TPTE: variants seen among roughly 807,000 people sequenced by gnomAD.
The protein encoded by TPTE is putative tyrosine-protein phosphatase TPTE.
TPTE carries 59 observed loss-of-function variants against 84.1 expected under a neutral mutation model. The observed-to-expected ratio is 0.70, with a 90% CI of 0.57 to 0.87. The LOEUF (loss-of-function observed/expected upper bound fraction) is 0.87. Ranked by LOEUF, TPTE falls within the 40% of genes least tolerant of loss-of-function variation. The pLI is 0.00. For synonymous variants in TPTE, 130 were observed against 223.5 expected, an observed-to-expected ratio of 0.58 and a Z score of 3.73; for missense variants, 382 against 659.6, an observed-to-expected ratio of 0.58 and a Z score of 4.61.
chr21:10,523,612 A>G (rs1182940880), intron 1 of TPTE, among the ~76,000 whole-genome samples: 3 of 152,294 alleles, frequency 2.0e-5, no homozygotes, highest in Non-Finnish European at 4.4e-5. Context: ...CCATGTCCCT[A>G]CAAAGGACAT....
chr21:10,566,675 TAAAA>T (rs1223482890), intron 10 of TPTE, among the ~76,000 whole-genome samples: 1 of 152,420 alleles, frequency 6.6e-6, no homozygotes, highest in African/African-American at 2.4e-5. Flanking sequence ...TATTTAGCCA[TAAAA>T]AAACAATAAG....
chr21:10,561,840 G>A (rs544855896), intron 10 of TPTE, among the ~76,000 whole-genome samples: 42 of 152,412 alleles, frequency 2.8e-4, no homozygotes, highest in African/African-American at 1.0e-3. Context: ...CACAGGCCTG[G>A]CTGTTTTTAC....
intron 3 of TPTE, among the ~76,000 whole-genome samples, chr21:10,533,292 T>C (rs1214940496): frequency 6.6e-6 from 1 of 152,286 alleles, no homozygotes; most frequent in African/African-American, 2.4e-5. Context: ...GCTTTCTCTT[T>C]TATTTTTTCT....
intron 3 of TPTE, among the ~76,000 whole-genome samples, chr21:10,533,732 A>C (rs1223378110): frequency 1.1e-4 from 17 of 152,420 alleles, no homozygotes; most frequent in Middle Eastern, 6.8e-3. Context: ...GATGTGCCCC[A>C]GGGTAGAGAG....
chr21:10,538,215 G>T (rs1433865911), intron 3 of TPTE, among the ~76,000 whole-genome samples: 1 of 152,312 alleles, frequency 6.6e-6, no homozygotes, highest in East Asian at 1.9e-4. Context: ...ATACAGGGTG[G>T]TACTCAAAAC....
chr21:10,561,381 G>A (rs1166469832), intron 10 of TPTE, among the ~76,000 whole-genome samples, 190 bp downstream of exon 10: 2 of 152,170 alleles, frequency 1.3e-5, no homozygotes, highest in East Asian at 3.9e-4. Flanking sequence ...AATCCCAGCT[G>A]TTTGGGAGGC....
intron 23 of TPTE, 48 bp downstream of exon 23, chr21:10,603,680 T>C (rs1450581184): frequency 6.3e-7 from 1 of 1,596,338 alleles, no homozygotes; most frequent in Non-Finnish European, 8.6e-7. Flanking sequence ...CTTCAATGTC[T>C]ATGTATAAGG....
At chr21:10,573,716 A>G (rs571652522) in intron 14 of TPTE, among the ~76,000 whole-genome samples, 170 of 152,118 alleles carry the variant, frequency 1.1e-3, no homozygotes, top group African/African-American at 3.6e-3. Flanking sequence ...TCAATTAAAA[A>G]TATTTTTAAA....
intron 10 of TPTE, among the ~76,000 whole-genome samples, chr21:10,565,443 A>G (rs2074901204): frequency 6.6e-6 from 1 of 152,308 alleles, no homozygotes; most frequent in Admixed American, 6.5e-5. Flanking sequence ...AAAGCAATTT[A>G]CAGATTCAAT....
chr21:10,604,365 G>A (rs986796068), intron 23 of TPTE, among the ~76,000 whole-genome samples: 3 of 152,306 alleles, frequency 2.0e-5, no homozygotes, highest in African/African-American at 7.2e-5. Flanking sequence ...AATACAAAAG[G>A]ACAAAATATT....
At chr21:10,535,443 T>C (rs112241775) in intron 3 of TPTE, among the ~76,000 whole-genome samples, 1,168 of 151,880 alleles carry the variant, frequency 7.7e-3, no homozygotes, top group African/African-American at 0.027. Flanking sequence ...ACAGAATATC[T>C]TTGACACTAT....
chr21:10,590,582 C>T (rs1243095741), intron 18 of TPTE, 59 bp downstream of exon 18: 29 of 1,608,690 alleles, frequency 1.8e-5, no homozygotes, highest in Non-Finnish European at 2.3e-5. Context: ...AGTTCTGAAA[C>T]ATCACTGGCA....
intron 20 of TPTE, among the ~76,000 whole-genome samples, chr21:10,596,699 A>G (rs1380948325): frequency 6.6e-6 from 1 of 152,310 alleles, no homozygotes; most frequent in Non-Finnish European, 1.5e-5. Context: ...ATGCTTCAGA[A>G]CCCCTAAAGC....
At chr21:10,581,976 C>T (rs2075279332) in intron 17 of TPTE, among the ~76,000 whole-genome samples, 1 of 152,310 alleles carries the variant, frequency 6.6e-6, no homozygotes, top group South Asian at 2.1e-4. Context: ...CTCAAGTGAT[C>T]CACCCACCTC....
chr21:10,527,275 A>G (rs1483861869), intron 2 of TPTE, 80 bp from the exon 3 acceptor site: 1 of 152,762 alleles, frequency 6.5e-6, no homozygotes, highest in Non-Finnish European at 1.5e-5. Flanking sequence ...GTGTCCTGAA[A>G]TACTGTTGAG....
At chr21:10,541,482 A>G (rs1183429281) in intron 5 of TPTE, among the ~76,000 whole-genome samples, 1 of 152,276 alleles carries the variant, frequency 6.6e-6, no homozygotes. Context: ...AAAAATGAAA[A>G]AAAAAAAAGA....
At chr21:10,534,225 A>AGG (rs1175189311) in intron 3 of TPTE, among the ~76,000 whole-genome samples, 3 of 152,306 alleles carry the variant, frequency 2.0e-5, no homozygotes, top group Non-Finnish European at 2.9e-5. Flanking sequence ...GCAGCATTGG[A>AGG]GGAGACAGTC....
At chr21:10,553,902 AAT>A (rs2074628182) in intron 8 of TPTE, among the ~76,000 whole-genome samples, 1 of 152,310 alleles carries the variant, frequency 6.6e-6, no homozygotes, top group South Asian at 2.1e-4. Flanking sequence ...AACATGCAAA[AAT>A]ACTTTGAAAA....
chr21:10,533,190 ACT>A (rs1292259641), intron 3 of TPTE, among the ~76,000 whole-genome samples: 9 of 152,306 alleles, frequency 5.9e-5, no homozygotes, highest in African/African-American at 2.2e-4. Flanking sequence ...TAATCTTCTA[ACT>A]CTAAATTAAT....
Sources: gnomAD v4.1 joint callset for allele counts (sites outside exome capture counted in the v4.1 genomes callset) on GRCh38, gnomAD v4.1.1 for gene constraint, MANE v1.5 for transcripts, NCBI Gene and HGNC (gene_info 2026-07-23, HGNC 2026-07-21) for gene names.